SPIDR: variants seen among roughly 807,000 people sequenced by gnomAD.
The protein encoded by SPIDR is scaffold protein involved in DNA repair.
In SPIDR, 93 loss-of-function variants were observed where a neutral mutation model predicts 104.6. The ratio of observed to expected loss-of-function variants is 0.89; its 90% confidence interval spans 0.75 to 1.06. The LOEUF (loss-of-function observed/expected upper bound fraction) is 1.06, where lower values mean the gene tolerates loss of function less well. Among genes scored for constraint, SPIDR ranks in the 50% least tolerant of loss-of-function variants. The pLI is 0.00. For synonymous variants in SPIDR, 431 were observed against 416.9 expected, an observed-to-expected ratio of 1.03 and a Z score of -0.41; for missense variants, 1,154 against 1,111.2, an observed-to-expected ratio of 1.04 and a Z score of -0.55.
intron 1 of SPIDR, among the ~76,000 whole-genome samples, chr8:47,265,539 T>G (rs555213999): frequency 1.3e-5 from 2 of 152,158 alleles, no homozygotes; most frequent in South Asian, 4.1e-4. Flanking sequence ...GAAAGAGAGC[T>G]TTTATTGAAA....
rs1229123384 is a variant in SPIDR at position 47,700,464 on chromosome 8, C to T, written c.1747C>T (p.Pro583Ser). 6.2e-7 allele frequency: 1 copy of T among 1,614,090 alleles called. No homozygotes were observed. Among genetic ancestry groups the T allele is most frequent in the Non-Finnish European group, 8.5e-7 (1 of 1,180,050 alleles). Reference sequence around the variant, plus strand: ...GCCCCCAGCGATACCTCTGAAAACACCTGGCCGCGACCAGCCCTGTGAAGA... The same window carrying T: ...GCCCCCAGCGATACCTCTGAAAACATCTGGCCGCGACCAGCCCTGTGAAGA... ...LWPPAIPLKT[P>S]GRDQPCEEIK... is the part of the protein sequence containing the mutation. Residue 583 changes from proline (P) to serine (S), a missense_variant, in exon 12 of 20, where the codon CCT becomes TCT. Transcript: ENST00000297423.
intron 5 of SPIDR, among the ~76,000 whole-genome samples, chr8:47,318,065 TCAC>T (rs2045762222): frequency 6.6e-6 from 1 of 152,124 alleles, no homozygotes; most frequent in South Asian, 2.1e-4. Context: ...ACACAGCTCC[TCAC>T]CAGCAACGGA....
At chr8:47,290,042 T>G (rs1490204044) in intron 3 of SPIDR, among the ~76,000 whole-genome samples, 1 of 148,644 alleles carries the variant, frequency 6.7e-6, no homozygotes, top group Non-Finnish European at 1.5e-5. Flanking sequence ...ATAACCTTTT[T>G]GTGTGTGTGT....
intron 7 of SPIDR, among the ~76,000 whole-genome samples, chr8:47,422,079 G>C (rs542717070): frequency 1.6e-4 from 24 of 152,328 alleles, no homozygotes; most frequent in African/African-American, 5.8e-4. Flanking sequence ...AGGAGGCAGT[G>C]TGTCCGTTCT....
chr8:47,400,947 C>T (rs62539089), intron 6 of SPIDR, among the ~76,000 whole-genome samples: 2,874 of 152,070 alleles, frequency 0.019, 41 homozygotes, highest in Middle Eastern at 0.037. Context: ...CCCAATCTAG[C>T]GAGGCAGGCC....
At chr8:47,496,978 G>A (rs1035332564) in intron 8 of SPIDR, among the ~76,000 whole-genome samples, 2 of 151,902 alleles carry the variant, frequency 1.3e-5, no homozygotes, top group African/African-American at 4.8e-5. Flanking sequence ...TTTCTCATTT[G>A]TTGGCTTACG....
Position 47,278,227 on chromosome 8 carries a change from A to G in SPIDR, c.34-1635A>G, listed in dbSNP as rs995394945. The stretch of plus-strand genomic sequence containing the variant: ...GAGGCTGGAATTCAGTGGCACAATC[A>G]GTGATGCAGCCTTGACCTTCCAGGC... On this transcript the variant is annotated intron_variant, in intron 1 of 19. Coordinates refer to ENST00000297423, the MANE Select transcript of SPIDR (RefSeq NM_001080394.4). 9.6e-4 allele frequency among the ~76,000 whole-genome samples: 145 copies of G among 151,734 alleles called. 1 individual carries two copies. The highest frequency in any genetic ancestry group is 3.4e-3 in the African/African-American group (141 of 41,350).
In SPIDR at chr8:47,735,312, C is replaced by T. The variant is rs201378745; in HGVS notation, c.2610C>T (p.Tyr870=). ...LRFAAGEDGS[Y]EVKSVLGKEV... ...CGTGCCTTTTATCACTGCAGAGCTA[C>T]GAAGTGAAGAGTGTCCTCGGAAAGG... is the stretch of plus-strand genomic sequence containing the variant. The change falls in exon 20 of 20, where the codon TAC becomes TAT. Residue 870 remains tyrosine (Y), a synonymous_variant. Transcript: ENST00000297423. The T allele has an allele frequency of 7.4e-6, 12 of 1,613,794 alleles. No homozygotes were observed. The highest frequency in any genetic ancestry group is 9.3e-6 in the Non-Finnish European group (11 of 1,179,990).
chr8:47,291,129 T>A lies in SPIDR; in HGVS notation c.353T>A (p.Leu118Ter). 6.2e-7 allele frequency: 1 copy of A among 1,609,484 alleles called. No homozygotes were observed. The highest frequency in any genetic ancestry group is 1.7e-5 in the Admixed American group (1 of 59,766). Residue 118 changes from leucine (L) to a stop codon, truncating the protein, a stop_gained, in exon 4 of 20, where the codon TTA (leucine) becomes TAA (stop). Transcript: ENST00000297423. LOFTEE classifies it high-confidence loss of function. ...GATGAAGATAAGACACTTTCTCAGTTACAGAGAGGTAATGGACATTGCTCT... is the reference window on the plus strand; with the variant it reads ...GATGAAGATAAGACACTTTCTCAGTAACAGAGAGGTAATGGACATTGCTCT... ...LSDEDKTLSQ[L>*]QRDELQFIDW...
intron 7 of SPIDR, among the ~76,000 whole-genome samples, chr8:47,422,221 G>A (rs1554681351): frequency 6.6e-6 from 1 of 152,200 alleles, no homozygotes; most frequent in Admixed American, 6.5e-5. Flanking sequence ...AGTCTACAGA[G>A]GCAGGCAGGC....
At chr8:47,418,085 T>G (rs1347025525) in intron 7 of SPIDR, among the ~76,000 whole-genome samples, 2 of 152,212 alleles carry the variant, frequency 1.3e-5, no homozygotes, top group African/African-American at 4.8e-5. Context: ...TCTTTTGGCT[T>G]AGGATTGACC....
At chr8:47,307,959 T>A (rs2043395392) in intron 5 of SPIDR, among the ~76,000 whole-genome samples, 1 of 152,178 alleles carries the variant, frequency 6.6e-6, no homozygotes, top group South Asian at 2.1e-4. Context: ...TGTGTCATAC[T>A]TTCCTGTATA....
intron 8 of SPIDR, chr8:47,511,854 C>T: frequency 1.2e-6 from 1 of 847,840 alleles, no homozygotes; most frequent in Middle Eastern, 2.4e-4. Flanking sequence ...TCTCTGAGGC[C>T]CCGGCATAAA....
intron 10 of SPIDR, among the ~76,000 whole-genome samples, chr8:47,631,160 CT>C (rs1268617537): frequency 1.3e-5 from 2 of 152,158 alleles, no homozygotes; most frequent in Non-Finnish European, 2.9e-5. Context: ...AGCCCTTTCT[CT>C]TTCCAAGTCT....
At chr8:47,732,290 G>A (rs1351456964) in intron 19 of SPIDR, 3 of 678,232 alleles carry the variant, frequency 4.4e-6, no homozygotes, top group Non-Finnish European at 8.0e-6. Flanking sequence ...GTACCTGAGT[G>A]CACGTGTGTG....
At chr8:47,290,461 C>A (rs1450338450) in intron 3 of SPIDR, among the ~76,000 whole-genome samples, 1 of 152,100 alleles carries the variant, frequency 6.6e-6, no homozygotes, top group Non-Finnish European at 1.5e-5. Flanking sequence ...TACAGTTTTG[C>A]AAGATATTAC....
At chr8:47,346,343 T>C (rs1451408988) in intron 5 of SPIDR, among the ~76,000 whole-genome samples, 1 of 152,232 alleles carries the variant, frequency 6.6e-6, no homozygotes, top group African/African-American at 2.4e-5. Context: ...GGATACGTTT[T>C]TTCATGTGCT....
At chr8:47,275,792 T>C (rs1260984294) in intron 1 of SPIDR, among the ~76,000 whole-genome samples, 2 of 152,274 alleles carry the variant, frequency 1.3e-5, no homozygotes, top group East Asian at 3.9e-4. Flanking sequence ...GAATAGACCA[T>C]GATGACTTTT....
chr8:47,557,410 G>T (rs1206203027), intron 8 of SPIDR, among the ~76,000 whole-genome samples: 1 of 152,182 alleles, frequency 6.6e-6, no homozygotes, highest in Admixed American at 6.5e-5. Flanking sequence ...CTGATAACAA[G>T]AAGGGCAGTT....
Sources: gnomAD v4.1 joint callset for allele counts (sites outside exome capture counted in the v4.1 genomes callset) on GRCh38, gnomAD v4.1.1 for gene constraint, MANE v1.5 for transcripts, NCBI Gene and HGNC (gene_info 2026-07-23, HGNC 2026-07-21) for gene names.